CELF2: variants seen among roughly 807,000 people sequenced by gnomAD.
CELF2 encodes the protein CUGBP Elav-like family member 2.
CELF2 carries 8 observed loss-of-function variants against 62.6 expected under a neutral mutation model. The ratio of observed to expected loss-of-function variants is 0.13; its 90% CI spans 0.07 to 0.23. CELF2 has a LOEUF of 0.23. Ranked by LOEUF, CELF2 falls within the 10% of genes least tolerant of loss-of-function variation. The probability of loss-of-function intolerance (pLI) is 1.00; values close to 1 mark genes in which losing one functional copy is unlikely to be tolerated. For missense variants in CELF2, 333 were observed against 671.0 expected, an observed-to-expected ratio of 0.50 and a Z score of 5.56; for synonymous variants, 258 against 250.0, an observed-to-expected ratio of 1.03 and a Z score of -0.30.
At position 10,934,986 on chromosome 10, in the gene CELF2, G is replaced by T. The variant is rs1336938957; in HGVS notation, c.89+14987G>T. The T allele has an allele frequency of 6.6e-6, 1 of 152,186 alleles. No individual in the cohort carries two copies. Among genetic ancestry groups the T allele is most frequent in the Non-Finnish European group, 1.5e-5 (1 of 68,036 alleles). 9.4% of individuals were successfully genotyped at this position (152,186 alleles called of 1,614,324 possible). ...AATTTCTTCTGGTAATTTCTCAGGA[G>T]AAAACGGAAAAAGGACTTCTCTGGG... On this transcript the variant is annotated intron_variant, in intron 2 of 13. Transcript: ENST00000636488. The surrounding 1 kb of genome is among the most constrained non-coding windows in gnomAD (Gnocchi z 4.4).
the CELF2 span, among the ~76,000 whole-genome samples, chr10:10,766,302 C>T: frequency 6.6e-6 from 1 of 152,164 alleles, no homozygotes; most frequent in South Asian, 2.1e-4. Context: ...GGTGATGAGG[C>T]ACACGGAATA....
chr10:10,636,336 C>T, the CELF2 span, among the ~76,000 whole-genome samples: 2 of 152,282 alleles, frequency 1.3e-5, no homozygotes, highest in East Asian at 3.9e-4. Flanking sequence ...ACGAGTTTAA[C>T]TATATATGAC....
chr10:10,678,348 T>C, the CELF2 span, among the ~76,000 whole-genome samples: 1 of 152,118 alleles, frequency 6.6e-6, no homozygotes. Flanking sequence ...TAATCAGATT[T>C]GTCAGATAGT....
rs1273239434 is a variant in CELF2 at position 11,306,980 on chromosome 10, A to T, written c.977-7159A>T. ...ATGGCCCCCTGAGCTAGGCTGCCCC[A>T]TGCTCATAGGCTGTGCGTGTATCTG... On this transcript the variant is annotated intron_variant, in intron 9 of 12. Coordinates refer to ENST00000633077, the MANE Select transcript of CELF2 (RefSeq NM_001326342.2). This position sits in a 1 kb window ranked among gnomAD's most constrained non-coding sequence, Gnocchi z 4.4. Among the ~76,000 whole-genome samples, 1 of 152,180 alleles carries T rather than the reference A, an allele frequency of 6.6e-6. No individual in the cohort carries two copies. The highest frequency in any genetic ancestry group is 2.4e-5 in the African/African-American group (1 of 41,438).
chr10:11,089,202 G>A (rs1387837494), intron 1 of CELF2, among the ~76,000 whole-genome samples: 2 of 152,204 alleles, frequency 1.3e-5, no homozygotes, highest in Non-Finnish European at 2.9e-5. Context: ...TTGCAAAAGA[G>A]CATGTGGGAT....
At chr10:10,526,614 G>T in the CELF2 span, among the ~76,000 whole-genome samples, 1 of 152,108 alleles carries the variant, frequency 6.6e-6, no homozygotes, top group Non-Finnish European at 1.5e-5. Flanking sequence ...CAGCCAACAG[G>T]CATCTCAAAG....
the CELF2 span, among the ~76,000 whole-genome samples, chr10:10,482,083 C>T: frequency 1.3e-5 from 2 of 152,106 alleles, no homozygotes; most frequent in South Asian, 4.1e-4. Context: ...TATTGATTTG[C>T]ACATACACTC....
chr10:10,645,050 G>T, the CELF2 span, among the ~76,000 whole-genome samples: 1 of 152,160 alleles, frequency 6.6e-6, no homozygotes, highest in Non-Finnish European at 1.5e-5. Context: ...TCCTGCCAGG[G>T]TTCTGAATGA....
intron 1 of CELF2, among the ~76,000 whole-genome samples, chr10:11,109,263 A>G (rs1210443288): frequency 6.6e-6 from 1 of 152,108 alleles, no homozygotes; most frequent in Non-Finnish European, 1.5e-5. Flanking sequence ...GTTTTCCTGT[A>G]ATGTGTGTTG....
chr10:10,804,170 C>A (rs904250398), intron 1 of CELF2, among the ~76,000 whole-genome samples: 2 of 152,214 alleles, frequency 1.3e-5, no homozygotes, highest in Non-Finnish European at 2.9e-5. Flanking sequence ...CAGATGTTGA[C>A]AAATTTCTTC....
In CELF2 at chr10:11,135,988, A is replaced by G. The variant is rs370283600; in HGVS notation, c.75-29498A>G. Among the ~76,000 whole-genome samples the G allele has an allele frequency of 1.2e-4, 18 of 152,356 alleles. No individual in the cohort carries two copies. In the East Asian group the frequency reaches 2.9e-3, roughly 24 times the overall value. On this transcript the variant is annotated intron_variant, in intron 1 of 12. Coordinates refer to ENST00000633077, the MANE Select transcript of CELF2 (RefSeq NM_001326342.2). ...TGGCCCTTTGAGAATAGTTACGTCC[A>G]TTCAGCAAATATTTACTGGTGGACT...
chr10:10,749,460 A>G, the CELF2 span, among the ~76,000 whole-genome samples: 8 of 152,220 alleles, frequency 5.3e-5, no homozygotes, highest in African/African-American at 1.7e-4. Flanking sequence ...TCAGCCAACA[A>G]TGTCTACTAA....
At chr10:11,258,738 G>A (rs1228858572) in intron 5 of CELF2, among the ~76,000 whole-genome samples, 1 of 152,178 alleles carries the variant, frequency 6.6e-6, no homozygotes, top group African/African-American at 2.4e-5. Flanking sequence ...CCAGGCCAGA[G>A]TGCAGTGGCG....
rs972199165 is a variant in CELF2 at position 11,008,120 on chromosome 10, T to C, written c.53+2680T>C. Among the ~76,000 whole-genome samples, 1 of 152,238 alleles carries C rather than the reference T, an allele frequency of 6.6e-6. No individual in the cohort carries two copies. Among genetic ancestry groups the C allele is most frequent in the African/African-American group, 2.4e-5 (1 of 41,470 alleles). The stretch of plus-strand genomic sequence containing the variant: ...ATCTATTTCCACAACAGGAACAGGA[T>C]ACGTAATCTGTATCCTTCCATAAGC... On this transcript the variant is annotated intron_variant, in intron 1 of 12. Transcript: ENST00000416382. This position sits in a 1 kb window ranked among gnomAD's most constrained non-coding sequence, Gnocchi z 4.5.
the CELF2 span, among the ~76,000 whole-genome samples, chr10:10,505,311 C>CT: frequency 1.3e-5 from 2 of 151,916 alleles, no homozygotes; most frequent in Non-Finnish European, 2.9e-5. Context: ...GGGAGGGCTC[C>CT]TTTTTTACTA....
At chr10:10,815,390 G>A (rs896221737) in intron 1 of CELF2, among the ~76,000 whole-genome samples, 1 of 152,184 alleles carries the variant, frequency 6.6e-6, no homozygotes, top group Non-Finnish European at 1.5e-5. Flanking sequence ...GGGAGTGTTT[G>A]TTTGAGAAAA....
chr10:11,312,472 C>T lies in CELF2; in HGVS notation c.977-1667C>T, dbSNP rs1350318243. Among the ~76,000 whole-genome samples the T allele has an allele frequency of 1.3e-5, 2 of 152,228 alleles. 1 individual carries two copies. The highest frequency in any genetic ancestry group is 4.1e-4 in the South Asian group (2 of 4,834). ...ATCCCACATCTGGGTTCAGAGGGGGCTCTTCTGCCTTAAAGTATTCTCAGA... is the reference window on the plus strand; with the variant it reads ...ATCCCACATCTGGGTTCAGAGGGGGTTCTTCTGCCTTAAAGTATTCTCAGA... On this transcript the variant is annotated intron_variant, in intron 9 of 12. Transcript: ENST00000633077.
rs1233865445 is a variant in CELF2 at position 11,191,706 on chromosome 10, A to G, written c.272-25719A>G. 1.3e-5 allele frequency among the ~76,000 whole-genome samples: 2 copies of G among 152,120 alleles called. No homozygotes were observed. The highest frequency in any genetic ancestry group is 2.9e-5 in the Non-Finnish European group (2 of 68,010). On this transcript the variant is annotated intron_variant, in intron 2 of 12. Transcript: ENST00000633077. The surrounding 1 kb of genome is among the most constrained non-coding windows in gnomAD (Gnocchi z 4.1). ...GATGAGGCTTATTCCCAGTCGGCAG[A>G]CTGGACTTCTTCATAAGTGAAAAAT...
intron 1 of CELF2, among the ~76,000 whole-genome samples, chr10:10,909,219 C>T (rs756784276): frequency 7.9e-5 from 12 of 152,146 alleles, no homozygotes; most frequent in Non-Finnish European, 1.0e-4. Flanking sequence ...CTGAGGTCAC[C>T]GCAGCCACAC....
Sources: allele counts gnomAD v4.1 joint callset (sites outside exome capture counted in the v4.1 genomes callset), GRCh38; gene constraint gnomAD v4.1.1; non-coding constraint Gnocchi (gnomAD v3.1); transcripts MANE v1.5; gene names NCBI Gene and HGNC (gene_info 2026-07-23, HGNC 2026-07-21).